PLCZ1: variants seen among roughly 807,000 people sequenced by gnomAD.
The protein encoded by PLCZ1 is 1-phosphatidylinositol 4,5-bisphosphate phosphodiesterase zeta-1.
Under a neutral mutation model 76.8 loss-of-function variants are expected in PLCZ1, and 64 were observed. The observed-to-expected ratio is 0.83, with a 90% CI of 0.68 to 1.03. PLCZ1 has a LOEUF of 1.03. Ranked by LOEUF, PLCZ1 falls within the 50% of genes least tolerant of loss-of-function variation. The pLI is 0.00. For missense variants in PLCZ1, 751 were observed against 713.7 expected (o/e 1.05, Z -0.60); for synonymous variants, 248 against 230.8 (o/e 1.07, Z -0.68).
the PLCZ1 span, among the ~76,000 whole-genome samples, chr12:18,649,614 A>C: frequency 6.6e-6 from 1 of 151,840 alleles, no homozygotes; most frequent in Non-Finnish European, 1.5e-5. Flanking sequence ...CTGGTTTCTC[A>C]CCTCCAATTT....
intron 11 of PLCZ1, 111 bp from the exon 12 acceptor site, chr12:18,695,190 G>A (rs1436209554): frequency 1.8e-6 from 2 of 1,089,444 alleles, no homozygotes; most frequent in Non-Finnish European, 2.8e-6. Context: ...AATGTTCTAT[G>A]AGCAAGTATC....
In PLCZ1 at chr12:18,736,350, A is replaced by C. The variant is rs777658101; in HGVS notation, c.12-6T>G. ...GAATCTTTGACAAAAACCATGTAGA[A>C]GCACAAAAAAGTTAAGGAAATTCTC... is the stretch of plus-strand genomic sequence containing the variant. On this transcript the variant is annotated splice_polypyrimidine_tract_variant and splice_region_variant and intron_variant, in intron 2 of 14. Transcript: ENST00000266505. The C allele has an allele frequency of 6.2e-7, 1 of 1,610,356 alleles. No homozygotes were observed. The highest frequency in any genetic ancestry group is 2.2e-5 in the East Asian group (1 of 44,682).
chr12:18,667,146 C>A, the PLCZ1 span, among the ~76,000 whole-genome samples: 1 of 152,082 alleles, frequency 6.6e-6, no homozygotes, highest in African/African-American at 2.4e-5. Context: ...AAAGGGGTCT[C>A]AAATAAGGTC....
chr12:18,699,800 AT>A lies in PLCZ1; in HGVS notation c.1167del (p.Lys389AsnfsTer38), dbSNP rs745971103. ...TTGAGTCACAAAAATTTACCTCGCA[AT>A]TTTGAAAGTTTTCGGGCTTGTGTCT... is the stretch of plus-strand genomic sequence containing the variant. Reference protein sequence around the residue: ...IGETQARKLSKLRVHEFIFHT... With the variant: ...IGETQARKLSXLRVHEFIFHT... On this transcript the variant is annotated frameshift_variant, in exon 10 of 15. Transcript: ENST00000266505. LOFTEE classifies it high-confidence loss of function. 6.2e-7 allele frequency: 1 copy of A among 1,613,362 alleles called. No individual in the cohort carries two copies. The highest frequency in any genetic ancestry group is 8.5e-7 in the Non-Finnish European group (1 of 1,179,552).
At chr12:18,647,935 T>C in the PLCZ1 span, 18 of 1,599,406 alleles carry the variant, frequency 1.1e-5, no homozygotes, top group Non-Finnish European at 1.5e-5. Context: ...TTGTGAAGAG[T>C]AAAACTGTAT....
the PLCZ1 span, among the ~76,000 whole-genome samples, chr12:18,656,639 G>A: frequency 6.6e-6 from 1 of 152,142 alleles, no homozygotes; most frequent in Non-Finnish European, 1.5e-5. Flanking sequence ...GGGAAGCTCA[G>A]GTGGAAGGAT....
At chr12:18,663,622 C>G in the PLCZ1 span, among the ~76,000 whole-genome samples, 2 of 151,424 alleles carry the variant, frequency 1.3e-5, no homozygotes, top group African/African-American at 4.9e-5. Flanking sequence ...CTAAACATAA[C>G]AGCAAAAACT....
rs1955958421 is a variant in PLCZ1 at position 18,701,734 on chromosome 12, T to C, written c.907A>G (p.Thr303Ala). 1.2e-6 allele frequency: 2 copies of C among 1,612,160 alleles called. No individual in the cohort carries two copies. The highest frequency in any genetic ancestry group is 2.2e-5 in the East Asian group (1 of 44,780). The change falls in exon 8 of 15, where the codon ACC becomes GCC. Residue 303 changes from threonine to alanine, a missense_variant. By Grantham distance (58) the Thr-to-Ala change is moderately conservative. Coordinates refer to ENST00000266505, the MANE Select transcript of PLCZ1 (RefSeq NM_033123.4). ...KILVKNKKIGTLKETHERKGS... is the reference protein window; with the variant it reads ...KILVKNKKIGALKETHERKGS... ...TTTCTTTCATGGGTTTCCTTTAAGG[T>C]TCCTATTTTCTTATTTTTAACTAAT...
intron 3 of PLCZ1, among the ~76,000 whole-genome samples, chr12:18,730,067 G>A (rs900495418): frequency 1.3e-5 from 2 of 152,072 alleles, no homozygotes; most frequent in Non-Finnish European, 2.9e-5. Context: ...AGATAGCTAT[G>A]TTAGTCCCAT....
chr12:18,662,501 TA>T, the PLCZ1 span, among the ~76,000 whole-genome samples: 2 of 151,840 alleles, frequency 1.3e-5, no homozygotes, highest in East Asian at 1.9e-4. Flanking sequence ...TTACACAGTT[TA>T]AAAAAAAGGC....
chr12:18,711,802 G>A (rs1455420326), intron 6 of PLCZ1, among the ~76,000 whole-genome samples: 1 of 151,858 alleles, frequency 6.6e-6, no homozygotes, highest in East Asian at 1.9e-4. Flanking sequence ...GTGTACTTTG[G>A]TGTGAGTTCA....
intron 6 of PLCZ1, among the ~76,000 whole-genome samples, chr12:18,711,274 T>C (rs1394170796): frequency 2.0e-5 from 3 of 150,024 alleles, no homozygotes; most frequent in Middle Eastern, 3.4e-3. Flanking sequence ...CTCAGCAAAC[T>C]ATCGCAAGGA....
intron 13 of PLCZ1, among the ~76,000 whole-genome samples, chr12:18,685,868 ACATAC>A (rs1685279930): frequency 2.1e-5 from 3 of 140,632 alleles, no homozygotes; most frequent in South Asian, 2.3e-4. Flanking sequence ...ACACACACAC[ACATAC>A]AATAATATGG....
chr12:18,655,858 T>G, the PLCZ1 span, among the ~76,000 whole-genome samples: 1 of 152,122 alleles, frequency 6.6e-6, no homozygotes, highest in South Asian at 2.1e-4. Flanking sequence ...AAAGAATGCC[T>G]GAGAAACTGT....
chr12:18,686,195 A>G (rs926907929), intron 13 of PLCZ1, among the ~76,000 whole-genome samples: 6 of 151,722 alleles, frequency 4.0e-5, no homozygotes, highest in Non-Finnish European at 7.4e-5. Flanking sequence ...AACCACTGAA[A>G]TTTTATCCTG....
At chr12:18,658,222 T>C in the PLCZ1 span, among the ~76,000 whole-genome samples, 1 of 152,084 alleles carries the variant, frequency 6.6e-6, no homozygotes, top group South Asian at 2.1e-4. Context: ...TATTAACATT[T>C]GCATATTAGG....
the PLCZ1 span, among the ~76,000 whole-genome samples, chr12:18,655,265 C>A: frequency 6.6e-6 from 1 of 152,090 alleles, no homozygotes; most frequent in Non-Finnish European, 1.5e-5. Flanking sequence ...GGTCCTCCAG[C>A]TGAAGGAAAA....
intron 14 of PLCZ1, chr12:18,683,740 G>A: frequency 1.4e-6 from 1 of 726,706 alleles, no homozygotes; most frequent in African/African-American, 1.8e-5. Context: ...AAAGGGGTCA[G>A]GAAAGGATAG....
In PLCZ1 at chr12:18,719,552, A is replaced by G. The variant is rs754728641; in HGVS notation, c.448T>C (p.Cys150Arg). 1.0e-5 allele frequency: 16 copies of G among 1,602,060 alleles called. No homozygotes were observed. Among genetic ancestry groups the G allele is most frequent in the Non-Finnish European group, 1.2e-5 (14 of 1,172,640 alleles). The change falls in exon 5 of 15, where the codon TGT becomes CGT. Residue 150 changes from cysteine to arginine, a missense_variant. Coordinates refer to ENST00000266505, the MANE Select transcript of PLCZ1 (RefSeq NM_033123.4). ...SRECLLFKNE[C>R]RKVYQDMTHP... ...GTCATATCTTGATAAACTTTTCTAC[A>G]TTCATTTTTAAACAGTAGACATTCA...
Sources: allele counts gnomAD v4.1 joint callset (sites outside exome capture counted in the v4.1 genomes callset), GRCh38; gene constraint gnomAD v4.1.1; transcripts MANE v1.5; gene names NCBI Gene and HGNC (gene_info 2026-07-23, HGNC 2026-07-21).